Variants in KIF16B observed in about 807,000 individuals in gnomAD.
KIF16B encodes the protein kinesin family member 16B.
KIF16B carries 98 observed loss-of-function variants against 156.3 expected under a neutral mutation model. That is an observed-to-expected ratio of 0.63 (90% CI 0.53 to 0.74). The LOEUF (loss-of-function observed/expected upper bound fraction) is 0.74, where lower values mean the gene tolerates loss of function less well. Ranked by LOEUF, KIF16B falls within the 30% of genes least tolerant of loss-of-function variation. The pLI, the probability that KIF16B is intolerant of heterozygous loss-of-function variation, is 0.00. For synonymous variants in KIF16B, 564 were observed against 583.7 expected (o/e 0.97, Z 0.49); for missense variants, 1,421 against 1,606.5 (o/e 0.88, Z 1.97).
rs573705196 is a variant in KIF16B, at chr20:16,293,653, G to A, written c.3795+18682C>T. Among the ~76,000 whole-genome samples the A allele has an allele frequency of 3.3e-5, 5 of 152,300 alleles. No homozygotes were observed. The South Asian group carries it at 6.2e-4, about 19-fold the overall frequency. On this transcript the variant is annotated intron_variant, in intron 25 of 25. Transcript: ENST00000354981. ...GATGATGGAGAAGGACAATTGTGGG[G>A]TGGAAGGGAGCTGCGGTGTGGCTCA...
intron 1 of KIF16B, among the ~76,000 whole-genome samples, chr20:16,537,857 C>T (rs6044093): frequency 0.039 from 5,872 of 151,982 alleles, 174 homozygotes; most frequent in African/African-American, 0.076. Flanking sequence ...ATGTGCACCA[C>T]GATGCCTAGC....
At chr20:16,449,475 T>C (rs540279488) in intron 12 of KIF16B, among the ~76,000 whole-genome samples, 1 of 152,194 alleles carries the variant, frequency 6.6e-6, no homozygotes, top group African/African-American at 2.4e-5. Flanking sequence ...TAGTTCTTCA[T>C]GTGCAAAAGT....
chr20:16,515,410 T>C (rs1467498001), intron 4 of KIF16B, 138 bp downstream of exon 4: 4 of 553,982 alleles, frequency 7.2e-6, no homozygotes, highest in Non-Finnish European at 1.3e-5. Context: ...TCCAACTTAT[T>C]ACTGAGTTTT....
At chr20:16,401,912 T>G (rs1313564182) in intron 17 of KIF16B, among the ~76,000 whole-genome samples, 1 of 152,232 alleles carries the variant, frequency 6.6e-6, no homozygotes, top group African/African-American at 2.4e-5. Context: ...ATCCTGATAT[T>G]TGTATTAAGT....
chr20:16,334,214 GGAATTCAGT>G (rs1172715325), intron 24 of KIF16B, among the ~76,000 whole-genome samples: 1 of 152,124 alleles, frequency 6.6e-6, no homozygotes, highest in Non-Finnish European at 1.5e-5. Context: ...TATTGCTTTG[GGAATTCAGT>G]GAGTTTAATT....
At chr20:16,297,712 A>G (rs1339134307) in intron 25 of KIF16B, among the ~76,000 whole-genome samples, 2 of 151,720 alleles carry the variant, frequency 1.3e-5, no homozygotes, top group Non-Finnish European at 2.9e-5. Context: ...AAAAAAAAAA[A>G]AAAAGATTAA....
intron 15 of KIF16B, among the ~76,000 whole-genome samples, chr20:16,425,439 A>G (rs1207492991): frequency 1.3e-5 from 2 of 152,174 alleles, no homozygotes; most frequent in Non-Finnish European, 2.9e-5. Context: ...ATAATGATGC[A>G]TTCTTTTTTA....
chr20:16,330,436 G>A (rs993256776), intron 24 of KIF16B, among the ~76,000 whole-genome samples: 5 of 152,198 alleles, frequency 3.3e-5, no homozygotes, highest in African/African-American at 1.2e-4. Flanking sequence ...CTAACTTAGT[G>A]CATTCTTTAC....
In KIF16B at chr20:16,459,221, T is replaced by C. The variant is rs534588077; in HGVS notation, c.1303-29239A>G. Among the ~76,000 whole-genome samples, 19 of 152,308 alleles carry C rather than the reference T, an allele frequency of 1.2e-4. No homozygotes were observed. The South Asian group carries it at 2.5e-3, about 20-fold the overall frequency. Reference sequence around the variant, plus strand: ...AACCAGAAATATTCATTGACTAATATAGAGAGGCATGAAATGTAGTCCCTG... The same window carrying C: ...AACCAGAAATATTCATTGACTAATACAGAGAGGCATGAAATGTAGTCCCTG... On this transcript the variant is annotated intron_variant, in intron 12 of 25. Coordinates refer to ENST00000354981, the MANE Select transcript of KIF16B (RefSeq NM_024704.5).
intron 24 of KIF16B, among the ~76,000 whole-genome samples, chr20:16,323,130 TA>T (rs778590288): frequency 6.6e-6 from 1 of 152,054 alleles, no homozygotes; most frequent in Non-Finnish European, 1.5e-5. Context: ...TAACACCTGA[TA>T]AAAGTGTACT....
intron 12 of KIF16B, among the ~76,000 whole-genome samples, chr20:16,437,702 A>C (rs376637470): frequency 6.6e-6 from 1 of 152,354 alleles, no homozygotes; most frequent in East Asian, 1.9e-4. Flanking sequence ...TAGGCAAAAA[A>C]TATACTTATG....
chr20:16,413,944 C>T (rs2066023147), intron 15 of KIF16B, among the ~76,000 whole-genome samples: 1 of 151,948 alleles, frequency 6.6e-6, no homozygotes, highest in African/African-American at 2.4e-5. Context: ...CAAAAAGAAA[C>T]TTGCTTGTGT....
chr20:16,376,472 C>T (rs750961041), intron 19 of KIF16B, among the ~76,000 whole-genome samples: 8 of 152,182 alleles, frequency 5.3e-5, no homozygotes, highest in East Asian at 1.9e-4. Flanking sequence ...TCAGGCTGCA[C>T]GGTGAATCCT....
chr20:16,442,305 G>A (rs1199337250), intron 12 of KIF16B, among the ~76,000 whole-genome samples: 2 of 150,304 alleles, frequency 1.3e-5, no homozygotes, highest in African/African-American at 4.9e-5. Flanking sequence ...TAATGCATTT[G>A]TTAATTGGCT....
intron 24 of KIF16B, among the ~76,000 whole-genome samples, chr20:16,324,392 A>T (rs1601570314): frequency 6.6e-6 from 1 of 151,650 alleles, no homozygotes; most frequent in African/African-American, 2.4e-5. Flanking sequence ...CCTTAACAAA[A>T]CTCTCCATAG....
chr20:16,294,674 A>G (rs928145), intron 25 of KIF16B, among the ~76,000 whole-genome samples: 36,165 of 152,022 alleles, frequency 0.24, 4,783 homozygotes, highest in East Asian at 0.58. Context: ...GAGAAAAGCT[A>G]ACAGACCTGG....
chr20:16,472,294 T>C (rs1196040819), intron 12 of KIF16B, among the ~76,000 whole-genome samples: 2 of 152,184 alleles, frequency 1.3e-5, no homozygotes. Flanking sequence ...ATCCCTCTTG[T>C]AGGCACAGTG....
intron 12 of KIF16B, among the ~76,000 whole-genome samples, chr20:16,482,564 C>T (rs2068009996): frequency 1.3e-5 from 2 of 152,084 alleles, no homozygotes; most frequent in Admixed American, 6.6e-5. Context: ...AGGAAAATGA[C>T]TTTAAATACA....
In KIF16B at chr20:16,273,431, T is replaced by C; in HGVS notation, c.3796-20A>G. ...GTATTTCTGTGGAAGAGACAAGAGTTAAGAACATGGTCAATTGGGAGGTCA... is the reference window on the plus strand; with the variant it reads ...GTATTTCTGTGGAAGAGACAAGAGTCAAGAACATGGTCAATTGGGAGGTCA... On this transcript the variant is annotated intron_variant, in intron 25 of 25. Transcript: ENST00000354981. 6.2e-7 allele frequency: 1 copy of C among 1,613,118 alleles called. No individual in the cohort carries two copies. The highest frequency in any genetic ancestry group is 8.5e-7 in the Non-Finnish European group (1 of 1,179,288).
Sources: allele counts gnomAD v4.1 joint callset (sites outside exome capture counted in the v4.1 genomes callset), GRCh38; gene constraint gnomAD v4.1.1; transcripts MANE v1.5; gene names NCBI Gene and HGNC (gene_info 2026-07-23, HGNC 2026-07-21).